RAB18: variants seen among roughly 807,000 people sequenced by gnomAD.
RAB18 encodes RAB18, member RAS oncogene family, also known as ras-related protein Rab-18.
In RAB18, 10 loss-of-function variants were observed where a neutral mutation model predicts 28.5. That is an observed-to-expected ratio of 0.35 (90% CI 0.22 to 0.60). The LOEUF is 0.60. Ranked by LOEUF, RAB18 falls within the 20% of genes least tolerant of loss-of-function variation. The pLI is 0.78. For synonymous variants in RAB18, 93 were observed against 86.9 expected, an observed-to-expected ratio of 1.07 and a Z score of -0.39; for missense variants, 188 against 244.2, an observed-to-expected ratio of 0.77 and a Z score of 1.53.
At chr10:27,533,385 A>G (rs1474525775) in intron 4 of RAB18, among the ~76,000 whole-genome samples, 2 of 151,898 alleles carry the variant, frequency 1.3e-5, no homozygotes, top group Non-Finnish European at 2.9e-5. Flanking sequence ...ATTTTGCCAC[A>G]GATTTGAATC....
chr10:27,537,585 G>C (rs919074124), intron 6 of RAB18, among the ~76,000 whole-genome samples: 1 of 152,144 alleles, frequency 6.6e-6, no homozygotes, highest in Non-Finnish European at 1.5e-5. Flanking sequence ...AAAAACTTTC[G>C]CTCGCTATTT....
intron 2 of RAB18, among the ~76,000 whole-genome samples, chr10:27,519,008 A>G (rs1834494549): frequency 6.6e-6 from 1 of 152,058 alleles, no homozygotes; most frequent in African/African-American, 2.4e-5. Flanking sequence ...ACTTAGTTGA[A>G]AAGACTGTCC....
In RAB18 at chr10:27,539,542, A is replaced by T. The variant is rs1241203787; in HGVS notation, c.*1491A>T. On this transcript the variant is annotated 3_prime_UTR_variant, in exon 7 of 7. Transcript: ENST00000356940. Reference sequence around the variant, plus strand: ...TATATGCTTTTACTAAATATACAAGATTTACTACTAGAAATTTGGAGAAAG... The same window carrying T: ...TATATGCTTTTACTAAATATACAAGTTTTACTACTAGAAATTTGGAGAAAG... 2.5e-6 allele frequency: 1 copy of T among 404,972 alleles called. No homozygotes were observed. The allele number at this position is 404,972 out of a possible 1,614,324, so 25.1% of individuals were successfully genotyped here.
At position 27,538,022 on chromosome 10, in the gene RAB18, G is replaced by A. The variant is rs11015859; in HGVS notation, c.592G>A (p.Ala198Thr). Residue 198 changes from alanine (A) to threonine (T), a missense_variant, in exon 7 of 7, where the codon GCC becomes ACC. Ala to Thr is a moderately conservative substitution (Grantham distance 58). Coordinates refer to ENST00000356940, the MANE Select transcript of RAB18 (RefSeq NM_021252.5). ...SHREEGQGGG[A>T]CGGYCSVL ...CAGGGAAGAAGGCCAAGGAGGAGGA[G>A]CCTGTGGTGGTTATTGCTCTGTGTT... is the stretch of plus-strand genomic sequence containing the variant. 8,209 of 1,614,104 alleles carry A rather than the reference G, an allele frequency of 5.1e-3. 331 individuals carry two copies. In the African/African-American group the frequency reaches 0.09, roughly 18 times the overall value.
chr10:27,506,190 G>T (rs1403465342), intron 1 of RAB18, among the ~76,000 whole-genome samples: 1 of 152,068 alleles, frequency 6.6e-6, no homozygotes, highest in Non-Finnish European at 1.5e-5. Flanking sequence ...ATGGTTGGTT[G>T]TCATTTCATG....
chr10:27,511,630 T>G (rs1280507202), intron 2 of RAB18, among the ~76,000 whole-genome samples: 1 of 152,250 alleles, frequency 6.6e-6, no homozygotes, highest in African/African-American at 2.4e-5. Context: ...CAGTATGTCC[T>G]TAACGGTTAG....
intron 2 of RAB18, among the ~76,000 whole-genome samples, chr10:27,517,680 G>C (rs889709692): frequency 6.6e-6 from 1 of 152,130 alleles, no homozygotes; most frequent in Admixed American, 6.5e-5. Flanking sequence ...GTTCATAGCA[G>C]CATTTTTTAA....
Position 27,537,372 on chromosome 10 carries a change from C to G in RAB18, c.446-504C>G, listed in dbSNP as rs796994506. Among the ~76,000 whole-genome samples, 26 of 152,252 alleles carry G rather than the reference C, an allele frequency of 1.7e-4. 1 individual carries two copies. Among genetic ancestry groups the G allele is most frequent in the African/African-American group, 6.0e-4 (25 of 41,534 alleles). On this transcript the variant is annotated intron_variant, in intron 6 of 6. Coordinates refer to ENST00000356940, the MANE Select transcript of RAB18 (RefSeq NM_021252.5). Reference sequence around the variant, plus strand: ...CAGGGTTGGAAGCAGTGCTGAGTGTCCAGTTGAGTTTCATGAGCAAACATT... The same window carrying G: ...CAGGGTTGGAAGCAGTGCTGAGTGTGCAGTTGAGTTTCATGAGCAAACATT...
rs770109036 is a variant in RAB18, at chr10:27,532,527, G to A, written c.207G>A (p.Arg69=). The A allele has an allele frequency of 2.8e-4, 449 of 1,605,328 alleles. No individual in the cohort carries two copies. The highest frequency in any genetic ancestry group is 3.6e-4 in the Non-Finnish European group (423 of 1,173,222). Residue 69 remains arginine (R), a synonymous_variant, in exon 4 of 7, where the codon AGG becomes AGA. Coordinates refer to ENST00000356940, the MANE Select transcript of RAB18 (RefSeq NM_021252.5). The part of the protein sequence containing the change: ...LAIWDTAGQE[R]FRTLTPSYYR... ...TTTAGGATACTGCTGGTCAAGAGAGGTTTAGAACATTAACTCCCAGCTATT... is the reference window on the plus strand; with the variant it reads ...TTTAGGATACTGCTGGTCAAGAGAGATTTAGAACATTAACTCCCAGCTATT...
rs1022032272 is a variant in RAB18 at position 27,542,194 on chromosome 10, G to A, written c.*4143G>A. 2.2e-6 allele frequency: 1 copy of A among 453,960 alleles called. No homozygotes were observed. Among genetic ancestry groups the A allele is most frequent in the Non-Finnish European group, 4.4e-6 (1 of 226,774 alleles). The allele number at this position is 453,960 out of a possible 1,614,324, so 28.1% of individuals were successfully genotyped here. A position where few individuals can be genotyped will look rare whatever the true frequency, so the allele number is the denominator to read the frequency against. On this transcript the variant is annotated 3_prime_UTR_variant, in exon 7 of 7. Coordinates refer to ENST00000356940, the MANE Select transcript of RAB18 (RefSeq NM_021252.5). The stretch of plus-strand genomic sequence containing the variant: ...GACCTGAATTGAGATCTATTTCTCA[G>A]CTTTCACTTATGTGAGCCAATAAAT...
chr10:27,533,500 T>C (rs1284335927), intron 4 of RAB18, among the ~76,000 whole-genome samples: 1 of 152,080 alleles, frequency 6.6e-6, no homozygotes, highest in African/African-American at 2.4e-5. Flanking sequence ...TTACACAGGA[T>C]ATAATTTCAT....
rs1372998747 is a variant in RAB18, at chr10:27,512,852, T to C, written c.124+2922T>C. Among the ~76,000 whole-genome samples, 12 of 152,136 alleles carry C rather than the reference T, an allele frequency of 7.9e-5. No homozygotes were observed. The East Asian group carries it at 2.1e-3, about 27-fold the overall frequency. ...CATGACAAATCGTGGGTTGTCTTTA[T>C]TACTAAAAAGGCTTTGTCTTCTGCA... On this transcript the variant is annotated intron_variant, in intron 2 of 6. Transcript: ENST00000356940.
At chr10:27,513,698 A>C (rs1029760486) in intron 2 of RAB18, among the ~76,000 whole-genome samples, 14 of 152,206 alleles carry the variant, frequency 9.2e-5, no homozygotes, top group African/African-American at 3.4e-4. Context: ...AGTGGCCATC[A>C]GGCTGGCTGC....
chr10:27,535,200 G>T (rs1834868862), intron 6 of RAB18, among the ~76,000 whole-genome samples: 1 of 152,176 alleles, frequency 6.6e-6, no homozygotes, highest in African/African-American at 2.4e-5. Context: ...GGCCCAGGAT[G>T]GCTTTGAATG....
At chr10:27,514,759 T>G (rs1449502026) in intron 2 of RAB18, among the ~76,000 whole-genome samples, 26 of 151,874 alleles carry the variant, frequency 1.7e-4, no homozygotes, top group Admixed American at 1.7e-3. Context: ...AATTGCAAGT[T>G]TTTTTGTTTT....
intron 4 of RAB18, among the ~76,000 whole-genome samples, chr10:27,533,466 G>A (rs1433847837): frequency 6.6e-6 from 1 of 151,554 alleles, no homozygotes; most frequent in East Asian, 1.9e-4. Context: ...TTGCTTTAAT[G>A]GGTATTAAAT....
In RAB18 at chr10:27,504,402, C is replaced by T; in HGVS notation, c.33C>T (p.Ile11=). Residue 11 remains isoleucine (I), a synonymous_variant, in exon 1 of 7, where the codon ATC becomes ATT. Coordinates refer to ENST00000356940, the MANE Select transcript of RAB18 (RefSeq NM_021252.5). Reference sequence around the variant, plus strand: ...AGGACGTGCTAACCACCCTGAAGATCCTCATCATCGGCGAGAGTGGGGTGG... The same window carrying T: ...AGGACGTGCTAACCACCCTGAAGATTCTCATCATCGGCGAGAGTGGGGTGG... MDEDVLTTLK[I]LIIGESGVGK... 1.3e-6 allele frequency: 2 copies of T among 1,575,174 alleles called. No homozygotes were observed. Among genetic ancestry groups the T allele is most frequent in the Non-Finnish European group, 1.7e-6 (2 of 1,160,486 alleles).
intron 3 of RAB18, among the ~76,000 whole-genome samples, chr10:27,530,952 A>T (rs762070081): frequency 2.0e-5 from 3 of 152,032 alleles, no homozygotes; most frequent in Non-Finnish European, 4.4e-5. Flanking sequence ...TGCTTTATAT[A>T]GCAAGTTCAC....
rs1381559799 is a variant in RAB18, at chr10:27,526,703, C to T, written c.125-125C>T. 1.9e-5 allele frequency: 22 copies of T among 1,128,406 alleles called. No homozygotes were observed. The South Asian group carries it at 2.9e-4, about 15-fold the overall frequency. The allele number at this position is 1,128,406 out of a possible 1,614,324, so 69.9% of individuals were successfully genotyped here. ...ACTTTTTATCTCCACATCCAGAATTCTAAGAAGTTGGGGTGTGAATTGGGC... is the reference window on the plus strand; with the variant it reads ...ACTTTTTATCTCCACATCCAGAATTTTAAGAAGTTGGGGTGTGAATTGGGC... On this transcript the variant is annotated intron_variant, in intron 2 of 6. Coordinates refer to ENST00000356940, the MANE Select transcript of RAB18 (RefSeq NM_021252.5).
Sources: allele counts gnomAD v4.1 joint callset (sites outside exome capture counted in the v4.1 genomes callset), GRCh38; gene constraint gnomAD v4.1.1; transcripts MANE v1.5; gene names NCBI Gene and HGNC (gene_info 2026-07-23, HGNC 2026-07-21).